The following JMJD1C variants were observed in gnomAD, a reference collection of about 807,000 sequenced individuals.
JMJD1C encodes the protein jumonji domain containing 1C.
JMJD1C carries 31 observed loss-of-function variants against 245.3 expected under a neutral mutation model. The observed-to-expected ratio is 0.13, with a 90% CI of 0.09 to 0.17. JMJD1C has a LOEUF of 0.17. Ranked by LOEUF, JMJD1C falls within the 10% of genes least tolerant of loss-of-function variation. The pLI is 1.00. For synonymous variants in JMJD1C, 1,057 were observed against 1,017.4 expected, an observed-to-expected ratio of 1.04 and a Z score of -0.74; for missense variants, 2,691 against 3,000.2, an observed-to-expected ratio of 0.90 and a Z score of 2.41.
In JMJD1C at chr10:63,333,297, G is replaced by C. The variant is rs117829506; in HGVS notation, c.333+47021C>G. On this transcript the variant is annotated intron_variant, in intron 2 of 25. Transcript: ENST00000399262. ...GGGCTGGGTGTGGTGGCTCACACTT[G>C]TAATTCCAGCACTTAGGGAGGCCAA... Among the ~76,000 whole-genome samples the C allele has an allele frequency of 3.1e-3, 472 of 152,246 alleles. 8 individuals carry two copies. In the East Asian group the frequency reaches 0.052, roughly 17 times the overall value.
At chr10:63,404,831 T>C (rs577982669) in intron 1 of JMJD1C, among the ~76,000 whole-genome samples, 5 of 152,296 alleles carry the variant, frequency 3.3e-5, no homozygotes, top group African/African-American at 1.2e-4. Context: ...TAAAGAATGT[T>C]TTAACATTAA....
chr10:63,313,180 T>C (rs895832521), intron 2 of JMJD1C, among the ~76,000 whole-genome samples: 4 of 152,196 alleles, frequency 2.6e-5, no homozygotes, highest in Non-Finnish European at 4.4e-5. Flanking sequence ...CTCCCACTTA[T>C]GAAAGAGAAC....
chr10:63,234,361 G>T (rs1278919951), intron 3 of JMJD1C, among the ~76,000 whole-genome samples: 2 of 151,574 alleles, frequency 1.3e-5, no homozygotes, highest in Admixed American at 6.6e-5. Context: ...AGGTGTTATG[G>T]TGCATGCCTG....
intron 2 of JMJD1C, among the ~76,000 whole-genome samples, chr10:63,364,407 G>A (rs1945672073): frequency 6.6e-6 from 1 of 152,158 alleles, no homozygotes; most frequent in South Asian, 2.1e-4. Context: ...TTCTAAAAAT[G>A]TATTTCTATC....
In JMJD1C at chr10:63,208,487, C is replaced by T. The variant is rs776243913; in HGVS notation, c.3182G>A (p.Ser1061Asn). The change falls in exon 10 of 26, where the codon AGC becomes AAC. Residue 1061 changes from serine to asparagine, a missense_variant. By Grantham distance (46) the Ser-to-Asn change is conservative (BLOSUM62 1). Transcript: ENST00000399262. ...RVASSSSSPK[S>N]HIIKQDMDVE... is the part of the protein sequence containing the mutation. ...ATCCATATCTTGTTTGATGATATGG[C>T]TTTTAGGACTGGAAGATGATGATGC... The T allele has an allele frequency of 6.2e-6, 10 of 1,613,756 alleles. No homozygotes were observed. The highest frequency in any genetic ancestry group is 5.0e-5 in the Admixed American group (3 of 59,990).
chr10:63,368,713 G>GTC (rs1321547473), intron 2 of JMJD1C, among the ~76,000 whole-genome samples: 1 of 152,154 alleles, frequency 6.6e-6, no homozygotes, highest in Admixed American at 6.5e-5. Context: ...TTGAGACAGA[G>GTC]TCTCGCTCAG....
intron 1 of JMJD1C, among the ~76,000 whole-genome samples, chr10:63,494,136 C>A (rs1333596895): frequency 2.0e-5 from 3 of 152,028 alleles, no homozygotes; most frequent in Non-Finnish European, 2.9e-5. Context: ...CACGGAGAAA[C>A]CCCATCTCTA....
intron 10 of JMJD1C, chr10:63,202,768 A>AT: frequency 1.0e-6 from 1 of 985,296 alleles, no homozygotes; most frequent in East Asian, 1.1e-4. Context: ...TGCAAAAGAG[A>AT]TTTTTCCTAT....
intron 1 of JMJD1C, among the ~76,000 whole-genome samples, chr10:63,399,491 C>A (rs1470630800): frequency 6.6e-6 from 1 of 152,108 alleles, no homozygotes; most frequent in Non-Finnish European, 1.5e-5. Context: ...AAATAAAATT[C>A]TACACTGTTT....
chr10:63,194,301 T>C lies in JMJD1C; in HGVS notation c.5719A>G (p.Ile1907Val). The change falls in exon 14 of 26, where the codon ATT becomes GTT. Residue 1907 changes from isoleucine (I) to valine (V), a missense_variant. Physicochemically the swap from Ile to Val is conservative, Grantham distance 29. Coordinates refer to ENST00000399262, the MANE Select transcript of JMJD1C (RefSeq NM_032776.3). ...HDHKHLMPTQIIPGSVLTDLL... is the reference protein window; with the variant it reads ...HDHKHLMPTQVIPGSVLTDLL... ...ATATACTTACCAGAACCAGGTATAA[T>C]TTGGGTTGGCATTAAATGTTTGTGA... 11 of 1,609,500 alleles carry C rather than the reference T, an allele frequency of 6.8e-6. No homozygotes were observed. Among genetic ancestry groups the C allele is most frequent in the Non-Finnish European group, 9.4e-6 (11 of 1,175,866 alleles).
At chr10:63,169,458 A>AAGTT (rs1842147706) in intron 24 of JMJD1C, among the ~76,000 whole-genome samples, 1 of 152,162 alleles carries the variant, frequency 6.6e-6, no homozygotes, top group South Asian at 2.1e-4. Flanking sequence ...TAAGCATTTA[A>AAGTT]AGTTACTCTA....
chr10:63,428,666 A>C (rs892832245), intron 1 of JMJD1C, among the ~76,000 whole-genome samples: 1 of 152,224 alleles, frequency 6.6e-6, no homozygotes, highest in African/African-American at 2.4e-5. Flanking sequence ...CTATGGAAAC[A>C]AAACATAAAA....
chr10:63,311,270 T>G (rs1035371555), intron 2 of JMJD1C, among the ~76,000 whole-genome samples: 1 of 150,234 alleles, frequency 6.7e-6, no homozygotes, highest in African/African-American at 2.4e-5. Context: ...TCCCAGCTAC[T>G]CGGGAGACTG....
chr10:63,521,613 A>T, intron 1 of JMJD1C: 1 of 1,378,948 alleles, frequency 7.3e-7, no homozygotes, highest in Non-Finnish European at 9.5e-7. Context: ...AGCCGGCGCG[A>T]GGCCCAGGGG....
At chr10:63,433,591 T>C (rs912833529) in intron 1 of JMJD1C, among the ~76,000 whole-genome samples, 454 of 142,510 alleles carry the variant, frequency 3.2e-3, no homozygotes, top group Middle Eastern at 7.1e-3. Context: ...CTTTTCTTTT[T>C]TTTTTTTTTT....
At chr10:63,311,908 G>A (rs1243814389) in intron 2 of JMJD1C, among the ~76,000 whole-genome samples, 1 of 151,994 alleles carries the variant, frequency 6.6e-6, no homozygotes, top group Non-Finnish European at 1.5e-5. Context: ...AATGTATTAG[G>A]TTATTCTTAA....
chr10:63,470,184 C>T (rs1256017859), upstream of JMJD1C, among the ~76,000 whole-genome samples: 1 of 152,054 alleles, frequency 6.6e-6, no homozygotes, highest in Non-Finnish European at 1.5e-5. Context: ...GATATATAAG[C>T]TCCATAAGGC....
chr10:63,209,223 G>C lies in JMJD1C; in HGVS notation c.2707C>G (p.Pro903Ala). 6.2e-7 allele frequency: 1 copy of C among 1,600,366 alleles called. No homozygotes were observed. Among genetic ancestry groups the C allele is most frequent in the Non-Finnish European group, 8.5e-7 (1 of 1,175,150 alleles). ...ACAGGGGTGGGCTGATGTAGCCAAGGACTGGGAGAATTCTATTAACAAAAC... is the reference window on the plus strand; with the variant it reads ...ACAGGGGTGGGCTGATGTAGCCAAGCACTGGGAGAATTCTATTAACAAAAC... The part of the protein sequence containing the change: ...EASLRRNSPS[P>A]WLHQPTPVTS... The change falls in exon 9 of 26, where the codon CCT (proline) becomes GCT (alanine). Residue 903 changes from proline (P) to alanine (A), a missense_variant. By Grantham distance (27) the Pro-to-Ala change is conservative (BLOSUM62 -1). This residue lies in a region of JMJD1C where 1,562 missense variants were observed against 1,490.7 expected (regional missense o/e 1.05). Coordinates refer to ENST00000399262, the MANE Select transcript of JMJD1C (RefSeq NM_032776.3).
At chr10:63,231,880 C>T (rs1466349316) in intron 3 of JMJD1C, among the ~76,000 whole-genome samples, 2 of 152,154 alleles carry the variant, frequency 1.3e-5, no homozygotes, top group African/African-American at 4.8e-5. Flanking sequence ...TCTTGTCACT[C>T]AGGCTGGAGT....
Sources: gnomAD v4.1 joint callset for allele counts (sites outside exome capture counted in the v4.1 genomes callset) on GRCh38, gnomAD v4.1.1 for gene constraint, gnomAD v4.1.1 regional missense constraint, MANE v1.5 for transcripts, NCBI Gene and HGNC (gene_info 2026-07-23, HGNC 2026-07-21) for gene names.